PPM1N: variants seen among roughly 807,000 people sequenced by gnomAD.
The protein encoded by PPM1N is protein phosphatase, Mg2+/Mn2+ dependent 1N (putative), also known as probable protein phosphatase 1N.
Under a neutral mutation model 32.6 loss-of-function variants are expected in PPM1N, and 35 were observed. The ratio of observed to expected loss-of-function variants is 1.07; its 90% CI spans 0.82 to 1.43. The LOEUF is 1.43. Ranked by LOEUF, PPM1N falls within the 40% of genes most tolerant of loss-of-function variation. The pLI, the probability that PPM1N is intolerant of heterozygous loss-of-function variation, is 0.00. For missense variants in PPM1N, 648 were observed against 606.6 expected (o/e 1.07, Z -0.72); for synonymous variants, 275 against 270.5 (o/e 1.02, Z -0.16).
chr19:45,500,327 G>A (rs951040184), intron 2 of PPM1N, 129 bp from the exon 3 acceptor site: 10 of 855,560 alleles, frequency 1.2e-5, no homozygotes, highest in Non-Finnish European at 1.8e-5. Flanking sequence ...TATAGACGGG[G>A]TTTCACGATG....
At chr19:45,501,125 T>A (rs1477467988) in intron 4 of PPM1N, among the ~76,000 whole-genome samples, 1 of 152,174 alleles carries the variant, frequency 6.6e-6, no homozygotes, top group African/African-American at 2.4e-5. Context: ...CCAAGAAATG[T>A]GAGCCGGCAA....
chr19:45,498,994 T>C lies in PPM1N; in HGVS notation c.522T>C (p.Phe174=). Residue 174 remains phenylalanine (F), a synonymous_variant, in exon 1 of 5, where the codon TTT becomes TTC. Transcript: ENST00000451287. ...TAVVLLVSPR[F]LYLAHCGDSR... ...TGGTGTTGCTGGTCTCCCCGCGGTT[T>C]CTGTACCTGGCGCACTGCGGTGACT... 3 of 1,564,746 alleles carry C rather than the reference T, an allele frequency of 1.9e-6. No individual in the cohort carries two copies. Among genetic ancestry groups the C allele is most frequent in the Non-Finnish European group, 2.6e-6 (3 of 1,164,654 alleles).
intron 1 of PPM1N, chr19:45,499,734 C>T (rs1968379407): frequency 4.6e-6 from 7 of 1,537,486 alleles, no homozygotes; most frequent in Non-Finnish European, 6.1e-6. Context: ...AGGTAAACAT[C>T]AGAGCGGGCG....
At position 45,498,737 on chromosome 19, in the gene PPM1N, T is replaced by C. The variant is rs750306988; in HGVS notation, c.265T>C (p.Leu89=). The stretch of plus-strand genomic sequence containing the variant: ...GGATGCTCACTGCACTTGGCTTTCG[T>C]TACCTGGTCTGCCCCCGGGCTGGGC... The part of the protein sequence containing the change: ...MEDAHCTWLS[L]PGLPPGWALF... The change falls in exon 1 of 5, where the codon TTA becomes CTA. Residue 89 remains leucine, a synonymous_variant. Transcript: ENST00000451287. 4 of 1,552,214 alleles carry C rather than the reference T, an allele frequency of 2.6e-6. No individual in the cohort carries two copies. The highest frequency in any genetic ancestry group is 5.0e-5 in the East Asian group (2 of 39,870).
Position 45,499,914 on chromosome 19 carries a change from C to G in PPM1N, c.940-35C>G, listed in dbSNP as rs943232398. ...GTTGGGAAGCTCTGCCTTGGACTCT[C>G]CCCCACCGGGCTCCTTTTTCTCCAC... On this transcript the variant is annotated intron_variant, in intron 1 of 4. Coordinates refer to ENST00000451287, the MANE Select transcript of PPM1N (RefSeq NM_001080401.2). The G allele has an allele frequency of 1.9e-6, 3 of 1,551,050 alleles. No homozygotes were observed. The East Asian group carries it at 7.3e-5, about 38-fold the overall frequency.
At position 45,502,368 on chromosome 19, in the gene PPM1N, C is replaced by T. The variant is rs370012405; in HGVS notation, c.*283C>T. ...CCCAACCAAATGTTTTTGAAATATT[C>T]AGAGCCGAACAGATTCTGAGAGATA... On this transcript the variant is annotated 3_prime_UTR_variant, in exon 5 of 5. Coordinates refer to ENST00000451287, the MANE Select transcript of PPM1N (RefSeq NM_001080401.2). 7.6e-6 allele frequency: 4 copies of T among 526,444 alleles called. No individual in the cohort carries two copies. The highest frequency in any genetic ancestry group is 7.0e-5 in the East Asian group (2 of 28,694). The allele number at this position is 526,444 out of a possible 1,614,324, so 32.6% of individuals were successfully genotyped here. A position where few individuals can be genotyped will look rare whatever the true frequency, so the allele number is the denominator to read the frequency against.
rs962109102 is a variant in PPM1N, at chr19:45,498,916, C to G, written c.444C>G (p.Asp148Glu). The G allele has an allele frequency of 2.0e-6, 3 of 1,529,326 alleles. No homozygotes were observed. In the Admixed American group the frequency reaches 6.1e-5, roughly 31 times the overall value. The allele number at this position is 1,529,326 out of a possible 1,614,324, so 94.7% of individuals were successfully genotyped here. A position where few individuals can be genotyped will look rare whatever the true frequency, so the allele number is the denominator to read the frequency against. The change falls in exon 1 of 5, where the codon GAC becomes GAG. Residue 148 changes from aspartate to glutamate, a missense_variant. Asp to Glu is a conservative substitution (Grantham distance 45). Coordinates refer to ENST00000451287, the MANE Select transcript of PPM1N (RefSeq NM_001080401.2). The stretch of plus-strand genomic sequence containing the variant: ...TGCGCCGAGCCTTCTTGAGCGCCGA[C>G]GAGCGCCTGCGCTCCCTCTGGCCCC... ...EALRRAFLSA[D>E]ERLRSLWPRV...
chr19:45,501,952 AAGGAAGAGGTGCC>A, intron 4 of PPM1N, 52 bp from the exon 5 acceptor site: 1 of 1,125,504 alleles, frequency 8.9e-7, no homozygotes, highest in East Asian at 2.8e-5. Flanking sequence ...CTCAAAGGAA[AAGGAAGAGGTGCC>A]AGGAGACAAG....
Position 45,499,234 on chromosome 19 carries a change from G to A in PPM1N, c.762G>A (p.Glu254=), listed in dbSNP as rs746906267. 1.3e-6 allele frequency: 2 copies of A among 1,597,882 alleles called. No homozygotes were observed. The highest frequency in any genetic ancestry group is 2.2e-5 in the South Asian group (2 of 89,184). The change falls in exon 1 of 5, where the codon GAG becomes GAA. Residue 254 remains glutamate, a synonymous_variant. Transcript: ENST00000451287. ...CCGAGCTACAGCTCGTTTCTGCGGA[G>A]CCAGAGGTGGCCGCACTGGCACGCC... ...RPPELQLVSA[E]PEVAALARQA...
chr19:45,500,586 G>T, intron 3 of PPM1N, 25 bp downstream of exon 3: 2 of 1,594,540 alleles, frequency 1.3e-6, no homozygotes, highest in South Asian at 2.3e-5. Flanking sequence ...GGAAGGGTGG[G>T]GTGGAATGAG....
At position 45,499,353 on chromosome 19, in the gene PPM1N, G is replaced by A. The variant is rs762551088; in HGVS notation, c.881G>A (p.Arg294His). 2 of 1,611,796 alleles carry A rather than the reference G, an allele frequency of 1.2e-6. No homozygotes were observed. The highest frequency in any genetic ancestry group is 1.3e-5 in the African/African-American group (1 of 75,028). The change falls in exon 1 of 5, where the codon CGC becomes CAC. Residue 294 changes from arginine (R) to histidine (H), a missense_variant. Physicochemically the swap from Arg to His is conservative, Grantham distance 29. Transcript: ENST00000451287. ...GCGGGACTGGTGGCTTCACGCCTCC[G>A]CTTGGGCCTGGCCCCAGAGCTTCTC... ...ALAGLVASRL[R>H]LGLAPELLCA...
chr19:45,500,069 G>A lies in PPM1N; in HGVS notation c.1057+3G>A, dbSNP rs754712804. 6 of 1,585,356 alleles carry A rather than the reference G, an allele frequency of 3.8e-6. No homozygotes were observed. Among genetic ancestry groups the A allele is most frequent in the Non-Finnish European group, 5.2e-6 (6 of 1,164,432 alleles). ...AGCCCTGGGCTGCAGAATCGCTGGTGAGCAGACTCTGGGGGCCCAGCTGGA... is the reference window on the plus strand; with the variant it reads ...AGCCCTGGGCTGCAGAATCGCTGGTAAGCAGACTCTGGGGGCCCAGCTGGA... On this transcript the variant is annotated splice_donor_region_variant and intron_variant, in intron 2 of 4. Coordinates refer to ENST00000451287, the MANE Select transcript of PPM1N (RefSeq NM_001080401.2).
chr19:45,499,192 G>A lies in PPM1N; in HGVS notation c.720G>A (p.Glu240=). Residue 240 remains glutamate, a synonymous_variant, in exon 1 of 5, where the codon GAG becomes GAA. Transcript: ENST00000451287. The part of the protein sequence containing the change: ...SRALGDFTYK[E]APGRPPELQL... ...CGTTGGGCGACTTTACCTACAAGGA[G>A]GCTCCGGGGAGGCCCCCCGAGCTAC... is the stretch of plus-strand genomic sequence containing the variant. The A allele has an allele frequency of 2.6e-6, 4 of 1,547,100 alleles. No individual in the cohort carries two copies. Among genetic ancestry groups the A allele is most frequent in the Non-Finnish European group, 3.5e-6 (4 of 1,154,524 alleles).
At position 45,499,305 on chromosome 19, in the gene PPM1N, A is replaced by C; in HGVS notation, c.833A>C (p.Asp278Ala). 1 of 1,613,134 alleles carries C rather than the reference A, an allele frequency of 6.2e-7. No individual in the cohort carries two copies. Among genetic ancestry groups the C allele is most frequent in the Non-Finnish European group, 8.5e-7 (1 of 1,179,840 alleles). The change falls in exon 1 of 5, where the codon GAC becomes GCC. Residue 278 changes from aspartate (D) to alanine (A), a missense_variant. Coordinates refer to ENST00000451287, the MANE Select transcript of PPM1N (RefSeq NM_001080401.2). ...CTCCTGGCCTCTGATGGCGTCTGGG[A>C]CACTGTGTCTGGTGCTGCCCTGGCG... is the stretch of plus-strand genomic sequence containing the variant. ...FMLLASDGVW[D>A]TVSGAALAGL...
chr19:45,499,703 A>C, intron 1 of PPM1N: 1 of 1,545,740 alleles, frequency 6.5e-7, no homozygotes, highest in Non-Finnish European at 8.7e-7. Flanking sequence ...AGTATTGATT[A>C]GTGCTGGAAG....
At chr19:45,500,201 C>A (rs1968389611) in intron 2 of PPM1N, 135 bp downstream of exon 2, 3 of 1,217,448 alleles carry the variant, frequency 2.5e-6, no homozygotes, top group South Asian at 1.6e-5. Context: ...GTGGCGTGAT[C>A]TTGGCTCACT....
chr19:45,499,508 G>T (rs45440199), intron 1 of PPM1N, 97 bp downstream of exon 1: 244,639 of 1,569,136 alleles, frequency 0.16, 19,903 homozygotes, highest in South Asian at 0.23. Context: ...AGAGGCAAGA[G>T]TAAAGCTAGC....
chr19:45,498,544 GGGGA>G lies in PPM1N; in HGVS notation c.79_82del (p.Glu27LysfsTer19), dbSNP rs1325072434. ...GCAAGAAAAAGGAGAGGGAGAAGGA[GGGGA>G]GGGAGGAAGAGGAGGAGGAGGAGGC... is the stretch of plus-strand genomic sequence containing the variant. On this transcript the variant is annotated frameshift_variant, in exon 1 of 5. Coordinates refer to ENST00000451287, the MANE Select transcript of PPM1N (RefSeq NM_001080401.2). LOFTEE classifies it high-confidence loss of function. 3 of 1,452,738 alleles carry G rather than the reference GGGGA, an allele frequency of 2.1e-6. No individual in the cohort carries two copies. The highest frequency in any genetic ancestry group is 2.7e-6 in the Non-Finnish European group (3 of 1,106,364). 90.0% of individuals were successfully genotyped at this position (1,452,738 alleles called of 1,614,324 possible).
chr19:45,500,615 G>A, intron 3 of PPM1N, 35 bp from the exon 4 acceptor site: 1 of 1,593,478 alleles, frequency 6.3e-7, no homozygotes. Context: ...GGAAGGAGGA[G>A]AGTCCCCTCC....
Sources: allele counts gnomAD v4.1 joint callset (sites outside exome capture counted in the v4.1 genomes callset), GRCh38; gene constraint gnomAD v4.1.1; transcripts MANE v1.5; gene names NCBI Gene and HGNC (gene_info 2026-07-23, HGNC 2026-07-21).